The following CABIN1 variants were observed in gnomAD, a reference collection of about 807,000 sequenced individuals.
The protein encoded by CABIN1 is calcineurin binding protein 1, also known as calcineurin-binding protein cabin-1.
Under a neutral mutation model 227.7 loss-of-function variants are expected in CABIN1, and 133 were observed. The observed-to-expected ratio is 0.58, with a 90% CI of 0.51 to 0.67. The LOEUF is 0.67. Among genes scored for constraint, CABIN1 ranks in the 30% least tolerant of loss-of-function variants. The probability of loss-of-function intolerance (pLI) is 0.00; values close to 1 mark genes in which losing one functional copy is unlikely to be tolerated. For missense variants in CABIN1, 2,408 were observed against 2,852.5 expected (o/e 0.84, Z 3.55); for synonymous variants, 1,086 against 1,155.1 (o/e 0.94, Z 1.21).
At chr22:24,052,507 C>T (rs1601802814) in intron 8 of CABIN1, among the ~76,000 whole-genome samples, 2 of 149,404 alleles carry the variant, frequency 1.3e-5, no homozygotes, top group African/African-American at 2.5e-5. Flanking sequence ...AATGTGTAAA[C>T]TAGCTGGGCA....
At chr22:24,068,168 A>G (rs1333543572) in intron 16 of CABIN1, among the ~76,000 whole-genome samples, 1 of 152,194 alleles carries the variant, frequency 6.6e-6, no homozygotes, top group East Asian at 1.9e-4. Flanking sequence ...GTCATGGGGA[A>G]AGGGTAAGAA....
At chr22:24,091,221 G>T (rs1205606481) in intron 23 of CABIN1, among the ~76,000 whole-genome samples, 1 of 152,234 alleles carries the variant, frequency 6.6e-6, no homozygotes, top group Non-Finnish European at 1.5e-5. Flanking sequence ...GCCCTCTTCA[G>T]TGCCGTAGGG....
chr22:24,113,569 G>A lies in CABIN1; in HGVS notation c.4121G>A (p.Arg1374Gln), dbSNP rs145786143. 105 of 1,614,056 alleles carry A rather than the reference G, an allele frequency of 6.5e-5. No homozygotes were observed. The highest frequency in any genetic ancestry group is 7.9e-5 in the Non-Finnish European group (93 of 1,179,994). Residue 1374 changes from arginine (R) to glutamine (Q), a missense_variant, in exon 27 of 37, where the codon CGA (arginine) becomes CAA (glutamine). Around this residue, in one of 3 missense-constraint regions of CABIN1, gnomAD observed 649 missense variants for 910.3 expected, o/e 0.71. Transcript: ENST00000263119. ...KPHQQATPDD[R>Q]SQDSTAVALS... ...CTCTTCCTCCTTCTCCCCTCAGACC[G>A]AAGCCAGGACAGCACAGCCGTAGCA...
chr22:24,015,401 T>A (rs1169389846), intron 1 of CABIN1, among the ~76,000 whole-genome samples: 2 of 150,494 alleles, frequency 1.3e-5, no homozygotes, highest in Non-Finnish European at 3.0e-5. Flanking sequence ...CCTGAGTGCA[T>A]TGGCGCTATC....
At chr22:24,056,985 G>A (rs2038848551) in intron 10 of CABIN1, among the ~76,000 whole-genome samples, 1 of 151,738 alleles carries the variant, frequency 6.6e-6, no homozygotes, top group South Asian at 2.1e-4. Context: ...CGCCCAGGCC[G>A]GAGTGCAGTG....
chr22:24,056,113 G>C, intron 9 of CABIN1, 79 bp from the exon 10 acceptor site: 1 of 1,191,508 alleles, frequency 8.4e-7, no homozygotes, highest in Non-Finnish European at 1.2e-6. Context: ...TTATAAAAGA[G>C]GGAGATTGAT....
At chr22:24,149,107 G>A (rs1444161695) in intron 29 of CABIN1, among the ~76,000 whole-genome samples, 2 of 152,200 alleles carry the variant, frequency 1.3e-5, no homozygotes. Context: ...ATGATGACAG[G>A]CTGCAGCTGA....
At chr22:24,083,207 C>T (rs754707143) in intron 19 of CABIN1, 21 bp from the exon 20 acceptor site, 1 of 1,611,780 alleles carries the variant, frequency 6.2e-7, no homozygotes. Flanking sequence ...CACCTCAGGC[C>T]ATCTCTTCTG....
chr22:24,119,334 G>C, intron 27 of CABIN1, 33 bp from the exon 28 acceptor site: 2 of 1,590,232 alleles, frequency 1.3e-6, no homozygotes, highest in Non-Finnish European at 1.7e-6. Flanking sequence ...CCTAAAACCA[G>C]GGTGACTTTC....
intron 26 of CABIN1, among the ~76,000 whole-genome samples, chr22:24,102,687 G>A (rs1442139745): frequency 2.0e-5 from 3 of 152,170 alleles, no homozygotes. Flanking sequence ...GTGTGTCGGT[G>A]TTTCTCTTGA....
At chr22:24,081,110 G>C (rs532186567) in intron 19 of CABIN1, among the ~76,000 whole-genome samples, 4 of 152,160 alleles carry the variant, frequency 2.6e-5, no homozygotes, top group African/African-American at 9.7e-5. Flanking sequence ...AACAAAACTT[G>C]TGGACGCTAA....
intron 19 of CABIN1, among the ~76,000 whole-genome samples, chr22:24,077,678 T>C (rs924507801): frequency 2.6e-5 from 4 of 152,226 alleles, no homozygotes; most frequent in African/African-American, 9.6e-5. Flanking sequence ...GCCACTCCCT[T>C]TTTCTGCCTT....
intron 26 of CABIN1, chr22:24,103,347 C>T (rs150405280): frequency 6.6e-6 from 1 of 152,306 alleles, no homozygotes; most frequent in African/African-American, 2.4e-5. Context: ...ACAACAAAGG[C>T]AACAGACTCT....
At chr22:24,064,667 T>G (rs2039472199) in intron 15 of CABIN1, among the ~76,000 whole-genome samples, 1 of 151,574 alleles carries the variant, frequency 6.6e-6, no homozygotes, top group South Asian at 2.1e-4. Context: ...CCTGCGGCCT[T>G]CCGCAGTGTT....
intron 1 of CABIN1, among the ~76,000 whole-genome samples, chr22:24,026,208 A>C (rs1246686458): frequency 1.3e-5 from 2 of 152,170 alleles, no homozygotes; most frequent in African/African-American, 4.8e-5. Context: ...TCCTGGGCTC[A>C]AGCAATCATC....
At chr22:24,096,441 CT>C (rs1169757185) in intron 25 of CABIN1, among the ~76,000 whole-genome samples, 2 of 152,328 alleles carry the variant, frequency 1.3e-5, no homozygotes, top group African/African-American at 4.8e-5. Flanking sequence ...ACTCTCACCC[CT>C]GGGTCCTTTG....
In CABIN1 at chr22:24,176,235, G is replaced by A. The variant is rs1348768312; in HGVS notation, c.6165G>A (p.Glu2055=). The A allele has an allele frequency of 1.2e-6, 2 of 1,608,550 alleles. No individual in the cohort carries two copies. The highest frequency in any genetic ancestry group is 1.7e-6 in the Non-Finnish European group (2 of 1,178,404). ...CAGAGCCACACTGCTGGCCGGCAGA[G>A]GCTGCCCTGGGCACAGGCGCTGAGC... The part of the protein sequence containing the change: ...SPAEPHCWPA[E]AALGTGAEPT... Residue 2055 remains glutamate (E), a synonymous_variant, in exon 35 of 37, where the codon GAG becomes GAA. Coordinates refer to ENST00000263119, the MANE Select transcript of CABIN1 (RefSeq NM_012295.4).
intron 24 of CABIN1, 112 bp from the exon 25 acceptor site, chr22:24,095,819 G>T: frequency 8.9e-7 from 1 of 1,122,312 alleles, no homozygotes; most frequent in East Asian, 2.4e-5. Flanking sequence ...CAAGCAGTGT[G>T]TGGCAGCCTG....
chr22:24,136,524 A>ATT (rs145864566), intron 29 of CABIN1, among the ~76,000 whole-genome samples: 996 of 69,854 alleles, frequency 0.014, 60 homozygotes, highest in African/African-American at 0.05. Context: ...TAATTTTTGT[A>ATT]TTTTTTTTTT....
Sources: gnomAD v4.1 joint callset for allele counts (sites outside exome capture counted in the v4.1 genomes callset) on GRCh38, gnomAD v4.1.1 for gene constraint, gnomAD v4.1.1 regional missense constraint, MANE v1.5 for transcripts, NCBI Gene and HGNC (gene_info 2026-07-23, HGNC 2026-07-21) for gene names.